The following UBASH3B variants were observed in gnomAD, a reference collection of about 807,000 sequenced individuals.
UBASH3B encodes ubiquitin associated and SH3 domain containing B.
A neutral mutation model predicts 83.4 loss-of-function variants in UBASH3B; 37 were observed. The observed-to-expected ratio is 0.44, with a 90% confidence interval of 0.34 to 0.58. The LOEUF is 0.58. Ranked by LOEUF, UBASH3B falls within the 20% of genes least tolerant of loss-of-function variation. The pLI, the probability that UBASH3B is intolerant of heterozygous loss-of-function variation, is 0.01. For missense variants in UBASH3B, 657 were observed against 827.2 expected, an observed-to-expected ratio of 0.79 and a Z score of 2.52; for synonymous variants, 304 against 318.3, an observed-to-expected ratio of 0.96 and a Z score of 0.48.
At chr11:122,690,226 A>ATATATATC (rs1277256403) in intron 1 of UBASH3B, among the ~76,000 whole-genome samples, 1 of 133,278 alleles carries the variant, frequency 7.5e-6, no homozygotes, top group African/African-American at 2.8e-5. Context: ...ATATATATAT[A>ATATATATC]TATCCAATTT....
chr11:122,713,887 G>A (rs1327522962), intron 1 of UBASH3B, among the ~76,000 whole-genome samples: 2 of 152,130 alleles, frequency 1.3e-5, no homozygotes, highest in African/African-American at 4.8e-5. Context: ...CTCATCCAGT[G>A]CAGCCTTCCA....
At chr11:122,656,711 G>T (rs772816048) in intron 1 of UBASH3B, among the ~76,000 whole-genome samples, 65 of 152,226 alleles carry the variant, frequency 4.3e-4, no homozygotes, top group Non-Finnish European at 1.5e-4. Context: ...AGCTCCGGAT[G>T]TCGCTCTCGG....
intron 8 of UBASH3B, among the ~76,000 whole-genome samples, chr11:122,796,588 C>T (rs529257343): frequency 2.0e-5 from 3 of 152,076 alleles, no homozygotes; most frequent in Admixed American, 1.3e-4. Context: ...CTCCCTGGCT[C>T]GCTCGGTTCC....
intron 1 of UBASH3B, among the ~76,000 whole-genome samples, chr11:122,745,351 T>C (rs1894081): frequency 0.31 from 46,634 of 152,072 alleles, 7,797 homozygotes; most frequent in South Asian, 0.37. Context: ...GGTCAGTGCA[T>C]TCATTCAGCA....
Position 122,773,848 on chromosome 11 carries a change from C to T in UBASH3B, c.162-2371C>T, listed in dbSNP as rs141050267. On this transcript the variant is annotated intron_variant, in intron 1 of 13. Transcript: ENST00000284273. ...AGGAAGAAATAAATTAAATTTCACT[C>T]GGATATATTTCATTGGGGGAAGGGT... Among the ~76,000 whole-genome samples, 258 of 152,162 alleles carry T rather than the reference C, an allele frequency of 1.7e-3. 3 individuals carry two copies. The highest frequency in any genetic ancestry group is 3.0e-3 in the Non-Finnish European group (204 of 68,006).
chr11:122,794,909 C>A (rs563909217), intron 7 of UBASH3B, 75 bp downstream of exon 7: 1 of 1,572,518 alleles, frequency 6.4e-7, no homozygotes, highest in Non-Finnish European at 8.6e-7. Flanking sequence ...AAGCATGAGG[C>A]CTTGCCCTTG....
chr11:122,714,991 G>T (rs1257648542), intron 1 of UBASH3B, among the ~76,000 whole-genome samples: 2 of 152,122 alleles, frequency 1.3e-5, no homozygotes, highest in African/African-American at 4.8e-5. Context: ...TGTCGCCCGG[G>T]CTGGAGTGCA....
At chr11:122,690,570 A>C (rs1863881941) in intron 1 of UBASH3B, among the ~76,000 whole-genome samples, 2 of 152,060 alleles carry the variant, frequency 1.3e-5, no homozygotes, top group South Asian at 4.2e-4. Context: ...GGGTCCTGGC[A>C]GTCAAACTGC....
chr11:122,767,085 C>G (rs1453727071), intron 1 of UBASH3B, among the ~76,000 whole-genome samples: 1 of 152,102 alleles, frequency 6.6e-6, no homozygotes, highest in East Asian at 2.0e-4. Flanking sequence ...CGAGACCAGC[C>G]TGACCAACAT....
At chr11:122,804,885 G>A (rs1861311192) in intron 11 of UBASH3B, among the ~76,000 whole-genome samples, 1 of 152,222 alleles carries the variant, frequency 6.6e-6, no homozygotes, top group South Asian at 2.1e-4. Context: ...TAAACATCTT[G>A]TGGACCAGAA....
At position 122,774,401 on chromosome 11, in the gene UBASH3B, C is replaced by T. The variant is rs75619944; in HGVS notation, c.162-1818C>T. 5.0e-3 allele frequency: 3,867 copies of T among 778,832 alleles called. 11 individuals carry two copies. The highest frequency in any genetic ancestry group is 5.6e-3 in the Non-Finnish European group (3,574 of 641,386). The allele number at this position is 778,832 out of a possible 1,614,324, so 48.2% of individuals were successfully genotyped here. A position where few individuals can be genotyped will look rare whatever the true frequency, so the allele number is the denominator to read the frequency against. ...CTTGTCTTTCTGTGGAGCAGAACAA[C>T]AGAGGCTGGCCTTTGCTCAGCCATC... is the stretch of plus-strand genomic sequence containing the variant. On this transcript the variant is annotated intron_variant, in intron 1 of 13. Transcript: ENST00000284273.
chr11:122,685,539 T>G (rs1248803493), intron 1 of UBASH3B, among the ~76,000 whole-genome samples: 1 of 152,180 alleles, frequency 6.6e-6, no homozygotes, highest in East Asian at 1.9e-4. Context: ...ATTATTATTT[T>G]TTTGTGTCGC....
intron 1 of UBASH3B, chr11:122,773,890 T>G: frequency 1.3e-6 from 1 of 792,980 alleles, no homozygotes; most frequent in Non-Finnish European, 1.5e-6. Flanking sequence ...AAAAAGAAAT[T>G]GAATTCCTTA....
At chr11:122,775,978 C>A in intron 1 of UBASH3B, 1 of 433,304 alleles carries the variant, frequency 2.3e-6, no homozygotes, top group Non-Finnish European at 4.1e-6. Flanking sequence ...AAATAGACTG[C>A]CTGGGCTGTC....
chr11:122,659,964 G>A (rs1469997962), intron 1 of UBASH3B, among the ~76,000 whole-genome samples: 9 of 152,184 alleles, frequency 5.9e-5, no homozygotes, highest in East Asian at 3.9e-4. Flanking sequence ...CACCCAGCCC[G>A]TGCTGGGCTG....
intron 1 of UBASH3B, among the ~76,000 whole-genome samples, chr11:122,663,282 C>G (rs1228527679): frequency 6.6e-6 from 1 of 152,146 alleles, no homozygotes; most frequent in Non-Finnish European, 1.5e-5. Flanking sequence ...TGGCCTTACG[C>G]CAGAATTTCT....
At chr11:122,672,292 G>A (rs1405552590) in intron 1 of UBASH3B, among the ~76,000 whole-genome samples, 2 of 151,918 alleles carry the variant, frequency 1.3e-5, no homozygotes, top group Non-Finnish European at 2.9e-5. Flanking sequence ...GAGTGAAAGG[G>A]CTGTCAACTG....
chr11:122,670,522 T>C (rs1430519944), intron 1 of UBASH3B, among the ~76,000 whole-genome samples: 1 of 152,156 alleles, frequency 6.6e-6, no homozygotes. Flanking sequence ...TAATAGTCTG[T>C]GCCTCAAGGA....
intron 1 of UBASH3B, among the ~76,000 whole-genome samples, chr11:122,768,510 A>G (rs111968590): frequency 0.052 from 4,864 of 92,972 alleles, 237 homozygotes; most frequent in African/African-American, 0.16. Flanking sequence ...GTGTGTGTGT[A>G]TATATATATA....
Sources: gnomAD v4.1 joint callset for allele counts (sites outside exome capture counted in the v4.1 genomes callset) on GRCh38, gnomAD v4.1.1 for gene constraint, MANE v1.5 for transcripts, NCBI Gene and HGNC (gene_info 2026-07-23, HGNC 2026-07-21) for gene names.